Variants in CDH3 observed in about 807,000 individuals in gnomAD.
CDH3 encodes cadherin-3.
In CDH3, 54 loss-of-function variants were observed where a neutral mutation model predicts 82.0. The ratio of observed to expected loss-of-function variants is 0.66; its 90% CI spans 0.53 to 0.83. The LOEUF (loss-of-function observed/expected upper bound fraction) is 0.83, where lower values mean the gene tolerates loss of function less well. CDH3 is among the 40% of genes least tolerant of loss of function. The pLI, the probability that CDH3 is intolerant of heterozygous loss-of-function variation, is 0.00. For missense variants in CDH3, 1,054 were observed against 1,084.6 expected (o/e 0.97, Z 0.40); for synonymous variants, 446 against 437.9 (o/e 1.02, Z -0.23).
downstream of CDH3, among the ~76,000 whole-genome samples, chr16:68,700,449 ACT>A (rs1182790271): frequency 2.0e-5 from 3 of 152,168 alleles, no homozygotes; most frequent in Non-Finnish European, 2.9e-5. Context: ...TGCTGCCAAG[ACT>A]CTGAAGGATG....
In CDH3 at chr16:68,695,938, G is replaced by T. The variant is rs1359935140; in HGVS notation, c.2280+15G>T. 6.2e-7 allele frequency: 1 copy of T among 1,613,502 alleles called. No individual in the cohort carries two copies. The highest frequency in any genetic ancestry group is 8.5e-7 in the Non-Finnish European group (1 of 1,179,944). ...TTATAATTGAGGTGAGGCGTGGCAG[G>T]CCAGTCGAGGGCCACCCTTTATTCA... On this transcript the variant is annotated intron_variant, in intron 15 of 15. Coordinates refer to ENST00000264012, the MANE Select transcript of CDH3 (RefSeq NM_001793.6).
chr16:68,683,731 G>C (rs1244792053), intron 9 of CDH3, among the ~76,000 whole-genome samples: 5 of 73,510 alleles, frequency 6.8e-5, no homozygotes, highest in African/African-American at 2.6e-4. Flanking sequence ...AGAAAATCCA[G>C]CCTGGACAAC....
chr16:68,729,036 G>A (rs1379599137), downstream of CDH3, among the ~76,000 whole-genome samples: 1 of 152,160 alleles, frequency 6.6e-6, no homozygotes, highest in Admixed American at 6.6e-5. Context: ...TGGGCACAGT[G>A]GCTCACACCT....
chr16:68,718,004 G>A (rs1303243158), intron 1 of CDH3, among the ~76,000 whole-genome samples: 2 of 151,828 alleles, frequency 1.3e-5, no homozygotes, highest in Non-Finnish European at 2.9e-5. Context: ...TTTTGAGACA[G>A]AGTCTCATTC....
chr16:68,686,327 C>A, intron 11 of CDH3: 3 of 891,024 alleles, frequency 3.4e-6, no homozygotes, highest in Non-Finnish European at 5.6e-6. Context: ...CCGCATGTCT[C>A]TCCTTGCGGC....
intron 2 of CDH3, among the ~76,000 whole-genome samples, chr16:68,675,634 A>C (rs1451825469): frequency 2.0e-5 from 3 of 152,024 alleles, no homozygotes; most frequent in African/African-American, 7.3e-5. Context: ...ATCTCTACTA[A>C]AAAACAAAAA....
chr16:68,730,392 G>A (rs1962271297), downstream of CDH3, among the ~76,000 whole-genome samples: 1 of 151,928 alleles, frequency 6.6e-6, no homozygotes, highest in African/African-American at 2.4e-5. Flanking sequence ...TGGGTTTGGT[G>A]GTACATGCCT....
chr16:68,660,875 C>T (rs1479490889), intron 2 of CDH3, among the ~76,000 whole-genome samples: 3 of 151,596 alleles, frequency 2.0e-5, no homozygotes, highest in Middle Eastern at 3.4e-3. Flanking sequence ...AGGAGAATGG[C>T]GTGAACCCGG....
Position 68,695,835 on chromosome 16 carries a change from G to A in CDH3, c.2192G>A (p.Arg731His), listed in dbSNP as rs773298688. ...GAGGCCAGGCCGGAGGTGGTTCTCC[G>A]CAATGACGTGGCACCAACCATCATC... ...GLEARPEVVL[R>H]NDVAPTIIPT... is the part of the protein sequence containing the mutation. The change falls in exon 15 of 16, where the codon CGC becomes CAC. Residue 731 changes from arginine (R) to histidine (H), a missense_variant. By Grantham distance (29) the Arg-to-His change is conservative. Transcript: ENST00000264012. 36 of 1,613,944 alleles carry A rather than the reference G, an allele frequency of 2.2e-5. No homozygotes were observed. The highest frequency in any genetic ancestry group is 1.1e-4 in the African/African-American group (8 of 74,866).
rs144847760 is a variant in CDH3 at position 68,718,741 on chromosome 16, T to A, written c.100-3684T>A. ...CAATCTCTTAGAAAGCATAAACATA[T>A]GCTAACCATATGATTTAGTAACTCT... On this transcript the variant is annotated intron_variant, in intron 1 of 2. Transcript: ENST00000569080. Among the ~76,000 whole-genome samples, 232 of 152,206 alleles carry A rather than the reference T, an allele frequency of 1.5e-3. 2 individuals carry two copies. In the Middle Eastern group the frequency reaches 0.044, roughly 29 times the overall value.
intron 2 of CDH3, among the ~76,000 whole-genome samples, chr16:68,668,200 C>G (rs1468265613): frequency 6.6e-6 from 1 of 152,180 alleles, no homozygotes; most frequent in Non-Finnish European, 1.5e-5. Flanking sequence ...CATTTTCCAG[C>G]CTTAAATTCT....
intron 2 of CDH3, among the ~76,000 whole-genome samples, chr16:68,663,456 G>A (rs555210374): frequency 1.2e-4 from 18 of 145,718 alleles, no homozygotes; most frequent in African/African-American, 3.6e-4. Flanking sequence ...GGATGGTCTC[G>A]ATCTCCTGAC....
downstream of CDH3, among the ~76,000 whole-genome samples, chr16:68,702,142 T>C (rs562720870): frequency 2.4e-4 from 37 of 152,182 alleles, no homozygotes; most frequent in African/African-American, 8.7e-4. Flanking sequence ...TCTGCCCACC[T>C]CGGCCTCCCA....
chr16:68,676,633 T>C (rs538962536), intron 3 of CDH3, among the ~76,000 whole-genome samples, 163 bp downstream of exon 3: 2 of 152,214 alleles, frequency 1.3e-5, no homozygotes, highest in South Asian at 4.1e-4. Flanking sequence ...GTGTGAGCAC[T>C]GATCTAAGGG....
chr16:68,658,498 TGA>T (rs1960469104), intron 2 of CDH3, among the ~76,000 whole-genome samples: 1 of 152,084 alleles, frequency 6.6e-6, no homozygotes, highest in East Asian at 1.9e-4. Flanking sequence ...CACTGGCCAG[TGA>T]GAGGGCCCAG....
At chr16:68,695,024 A>G (rs1311958862) in intron 13 of CDH3, among the ~76,000 whole-genome samples, 1 of 152,164 alleles carries the variant, frequency 6.6e-6, no homozygotes, top group Non-Finnish European at 1.5e-5. Flanking sequence ...GAGGAGGCCA[A>G]TGTGCCTAGA....
chr16:68,666,356 T>C (rs572249103), intron 2 of CDH3, among the ~76,000 whole-genome samples: 73 of 152,256 alleles, frequency 4.8e-4, no homozygotes, highest in Non-Finnish European at 8.4e-4. Flanking sequence ...GAAAAAGGCC[T>C]GGACACCCAA....
chr16:68,711,566 G>C (rs1447922611), intron 1 of CDH3, among the ~76,000 whole-genome samples: 1 of 152,166 alleles, frequency 6.6e-6, no homozygotes, highest in Admixed American at 6.5e-5. Context: ...TATGGTGCCG[G>C]TTTCCCACAG....
chr16:68,666,621 T>A (rs1166080580), intron 2 of CDH3, among the ~76,000 whole-genome samples: 1 of 152,214 alleles, frequency 6.6e-6, no homozygotes, highest in African/African-American at 2.4e-5. Flanking sequence ...GGAAAATACT[T>A]GGTGACGGAG....
Sources: gnomAD v4.1 joint callset for allele counts (sites outside exome capture counted in the v4.1 genomes callset) on GRCh38, gnomAD v4.1.1 for gene constraint, MANE v1.5 for transcripts, NCBI Gene and HGNC (gene_info 2026-07-23, HGNC 2026-07-21) for gene names.